The following ARHGAP45 variants were observed in gnomAD, a reference collection of about 807,000 sequenced individuals.
ARHGAP45 encodes the protein rho GTPase-activating protein 45.
Under a neutral mutation model 116.1 loss-of-function variants are expected in ARHGAP45, and 56 were observed. The ratio of observed to expected loss-of-function variants is 0.48; its 90% CI spans 0.39 to 0.60. The LOEUF is 0.60. ARHGAP45 is among the 20% of genes least tolerant of loss of function. The pLI, the probability that ARHGAP45 is intolerant of heterozygous loss-of-function variation, is 0.00. For synonymous variants in ARHGAP45, 866 were observed against 701.7 expected (o/e 1.23, Z -3.70); for missense variants, 1,622 against 1,601.0 (o/e 1.01, Z -0.22).
rs1568464614 is a variant in ARHGAP45, at chr19:1,076,481, G to GTTTTTTTTTTTTT, written c.1186-1375_1186-1374insTTTTTTTTTTTTT. On this transcript the variant is annotated intron_variant, in intron 10 of 22. Coordinates refer to ENST00000313093, the MANE Select transcript of ARHGAP45 (RefSeq NM_012292.5). ...TAGAAACCTGTGATTGTTGGCAGTA[G>GTTTTTTTTTTTTT]TCTTTTTTTTTTTTTTTTTTTTTTT... 5.8e-4 allele frequency among the ~76,000 whole-genome samples: 60 copies of GTTTTTTTTTTTTT among 104,162 alleles called. 4 individuals are homozygous for GTTTTTTTTTTTTT. The highest frequency in any genetic ancestry group is 2.2e-3 in the African/African-American group (56 of 25,336). The allele number at this position is 104,162 out of a possible 152,430, so 68.3% of individuals were successfully genotyped here. A position where few individuals can be genotyped will look rare whatever the true frequency, so the allele number is the denominator to read the frequency against.
Position 1,081,672 on chromosome 19 carries a change from C to G in ARHGAP45, c.2313C>G (p.Pro771=), listed in dbSNP as rs760630936. ...TCAGCCACGCGGCCCGCAGCGCCCC[C>G]GACGGCGTGCCCTTCATCGTCAAGA... ...QDFSHAARSA[P]DGVPFIVKKC... The change falls in exon 18 of 23, where the codon CCC becomes CCG. Residue 771 remains proline, a synonymous_variant. Coordinates refer to ENST00000313093, the MANE Select transcript of ARHGAP45 (RefSeq NM_012292.5). 12 of 1,585,002 alleles carry G rather than the reference C, an allele frequency of 7.6e-6. No homozygotes were observed. Among genetic ancestry groups the G allele is most frequent in the South Asian group, 6.8e-5 (6 of 87,684 alleles).
In ARHGAP45 at chr19:1,071,375, C is replaced by G; in HGVS notation, c.422-1774C>G. ...GCCCCCGAGGTGAGGGGACAGGTGC[C>G]GGGCGCTGGGTCCCGCCGCGTCCGG... is the stretch of plus-strand genomic sequence containing the variant. On this transcript the variant is annotated intron_variant, in intron 2 of 22. Coordinates refer to ENST00000313093, the MANE Select transcript of ARHGAP45 (RefSeq NM_012292.5). The surrounding 1 kb of genome is among the most constrained non-coding windows in gnomAD (Gnocchi z 4.6). The G allele has an allele frequency of 7.8e-7, 1 of 1,284,088 alleles. No homozygotes were observed. Among genetic ancestry groups the G allele is most frequent in the Non-Finnish European group, 9.9e-7 (1 of 1,015,000 alleles). The allele number at this position is 1,284,088 out of a possible 1,614,324, so 79.5% of individuals were successfully genotyped here. A position where few individuals can be genotyped will look rare whatever the true frequency, so the allele number is the denominator to read the frequency against.
In ARHGAP45 at chr19:1,074,364, T is replaced by C. The variant is rs2043197648; in HGVS notation, c.950T>C (p.Leu317Pro). Residue 317 changes from leucine (L) to proline (P), a missense_variant, in exon 8 of 23, where the codon CTG becomes CCG. Coordinates refer to ENST00000313093, the MANE Select transcript of ARHGAP45 (RefSeq NM_012292.5). ...GCAGAGATGGAGTTTGCCAAGGGCC[T>C]GCAGAAGATCGCTCACAACTGCAGA... ...TTLEMEFAKGLQKIAHNCRQS... is the reference protein window; with the variant it reads ...TTLEMEFAKGPQKIAHNCRQS... 1 of 1,605,786 alleles carries C rather than the reference T, an allele frequency of 6.2e-7. No homozygotes were observed. Among genetic ancestry groups the C allele is most frequent in the Non-Finnish European group, 8.5e-7 (1 of 1,176,294 alleles).
At chr19:1,082,766 G>A (rs2043477869) in intron 19 of ARHGAP45, 74 bp from the exon 20 acceptor site, 2 of 1,299,410 alleles carry the variant, frequency 1.5e-6, no homozygotes. Flanking sequence ...TGGGGCTGAG[G>A]CTGGGGGCGT....
chr19:1,068,300 C>G lies in ARHGAP45; in HGVS notation c.91-114C>G, dbSNP rs1038189954. 3 of 943,920 alleles carry G rather than the reference C, an allele frequency of 3.2e-6. No homozygotes were observed. The African/African-American group carries it at 5.1e-5, about 16-fold the overall frequency. The allele number at this position is 943,920 out of a possible 1,614,324, so 58.5% of individuals were successfully genotyped here. A position where few individuals can be genotyped will look rare whatever the true frequency, so the allele number is the denominator to read the frequency against. On this transcript the variant is annotated intron_variant, in intron 1 of 22. Coordinates refer to ENST00000313093, the MANE Select transcript of ARHGAP45 (RefSeq NM_012292.5). This position sits in a 1 kb window ranked among gnomAD's most constrained non-coding sequence, Gnocchi z 7.5. The stretch of plus-strand genomic sequence containing the variant: ...CCCTGTGACCTCTGGCCTTTGACCC[C>G]TGTGGGGTCAGGGTGATGGTGGCCC...
At chr19:1,078,127 T>G (rs2043312033) in intron 11 of ARHGAP45, 82 bp downstream of exon 11, 1 of 1,442,476 alleles carries the variant, frequency 6.9e-7, no homozygotes, top group Non-Finnish European at 9.1e-7. Flanking sequence ...CCTCCAGACC[T>G]TTGTTTTTGT....
chr19:1,075,012 C>T (rs867172960), intron 10 of ARHGAP45, 133 bp downstream of exon 10: 2 of 663,006 alleles, frequency 3.0e-6, no homozygotes, highest in Non-Finnish European at 4.1e-6. Context: ...CATGCGCGGC[C>T]TCGCAGGCTG....
chr19:1,082,031 G>C, intron 19 of ARHGAP45, 70 bp downstream of exon 19: 1 of 1,546,212 alleles, frequency 6.5e-7, no homozygotes, highest in Non-Finnish European at 8.7e-7. Context: ...GGCGGGGTGG[G>C]GGTCCGGGAG....
intron 19 of ARHGAP45, 61 bp from the exon 20 acceptor site, chr19:1,082,779 C>A: frequency 7.3e-7 from 1 of 1,365,052 alleles, no homozygotes; most frequent in Non-Finnish European, 9.7e-7. Context: ...GGGGGCGTGG[C>A]AGGCACACGT....
In ARHGAP45 at chr19:1,080,805, G is replaced by C; in HGVS notation, c.2017+19G>C. On this transcript the variant is annotated intron_variant, in intron 16 of 22. Coordinates refer to ENST00000313093, the MANE Select transcript of ARHGAP45 (RefSeq NM_012292.5). ...GAGCAGGGTGAGGGTCCCCTGACGG[G>C]GCTGGAGAGAGAGGGGGGTTTGGAC... The C allele has an allele frequency of 1.9e-6, 3 of 1,612,586 alleles. No homozygotes were observed. Among genetic ancestry groups the C allele is most frequent in the Non-Finnish European group, 2.5e-6 (3 of 1,179,562 alleles).
At position 1,069,745 on chromosome 19, in the gene ARHGAP45, G is replaced by C. The variant is rs1162133842; in HGVS notation, c.421+1001G>C. Among the ~76,000 whole-genome samples the C allele has an allele frequency of 6.6e-6, 1 of 151,990 alleles. No homozygotes were observed. Among genetic ancestry groups the C allele is most frequent in the African/African-American group, 2.4e-5 (1 of 41,376 alleles). On this transcript the variant is annotated intron_variant, in intron 2 of 22. Coordinates refer to ENST00000313093, the MANE Select transcript of ARHGAP45 (RefSeq NM_012292.5). The surrounding 1 kb of genome is among the most constrained non-coding windows in gnomAD (Gnocchi z 4.1). ...TTCCGATCCTGGCGCTTCCTTGGAG[G>C]CCTGGCCTGGGCGGGGCTCAGCTCC...
At chr19:1,077,006 G>C in intron 10 of ARHGAP45, 3 of 985,012 alleles carry the variant, frequency 3.0e-6, no homozygotes, top group Non-Finnish European at 3.6e-6. Flanking sequence ...TGGGAGTACA[G>C]GTGTGACCCA....
rs745585229 is a variant in ARHGAP45 at position 1,068,600 on chromosome 19, A to G, written c.277A>G (p.Ser93Gly). 1.9e-6 allele frequency: 3 copies of G among 1,611,134 alleles called. No individual in the cohort carries two copies. Among genetic ancestry groups the G allele is most frequent in the South Asian group, 1.1e-5 (1 of 90,980 alleles). ...CTGGACACTGGGCCGGAGCCACCGG[A>G]GCCCACTGACAGCCGCCAGCCCGGG... ...ASWTLGRSHR[S>G]PLTAASPGEL... The change falls in exon 2 of 23, where the codon AGC becomes GGC. Residue 93 changes from serine to glycine, a missense_variant. Ser to Gly is a moderately conservative substitution (Grantham distance 56, BLOSUM62 0). Around this residue, in one of 3 missense-constraint regions of ARHGAP45, gnomAD observed 279 missense variants for 311.9 expected, o/e 0.89. Transcript: ENST00000313093. This position sits in a 1 kb window ranked among gnomAD's most constrained non-coding sequence, Gnocchi z 7.5.
intron 15 of ARHGAP45, 44 bp from the exon 16 acceptor site, chr19:1,080,637 GC>G (rs1192956394): frequency 4.4e-6 from 7 of 1,601,204 alleles, no homozygotes; most frequent in Non-Finnish European, 5.1e-6. Flanking sequence ...GATGGAGGGG[GC>G]CCCCCTGGCT....
intron 10 of ARHGAP45, among the ~76,000 whole-genome samples, chr19:1,075,620 T>G (rs894844462): frequency 6.6e-6 from 1 of 151,856 alleles, no homozygotes; most frequent in African/African-American, 2.4e-5. Context: ...TGTTTGTTTC[T>G]TTGCTTGTTT....
chr19:1,067,320 A>G lies in ARHGAP45; in HGVS notation c.-86A>G. 4.2e-6 allele frequency: 6 copies of G among 1,435,804 alleles called. No individual in the cohort carries two copies. Among genetic ancestry groups the G allele is most frequent in the Non-Finnish European group, 4.6e-6 (5 of 1,096,070 alleles). The allele number at this position is 1,435,804 out of a possible 1,614,324, so 88.9% of individuals were successfully genotyped here. A position where few individuals can be genotyped will look rare whatever the true frequency, so the allele number is the denominator to read the frequency against. On this transcript the variant is annotated 5_prime_UTR_variant, in exon 1 of 23. Transcript: ENST00000313093. The stretch of plus-strand genomic sequence containing the variant: ...AGCTGGGGAGGGGGTGGCCGGCGAC[A>G]ATGTGGTCCCGAAGCGGCCAGCGCC...
At chr19:1,070,731 G>A (rs1377960090) in intron 2 of ARHGAP45, among the ~76,000 whole-genome samples, 1 of 151,752 alleles carries the variant, frequency 6.6e-6, no homozygotes, top group Non-Finnish European at 1.5e-5. Context: ...CCGTTCTCCC[G>A]GCTCCGCCTC....
rs779248180 is a variant in ARHGAP45 at position 1,073,195 on chromosome 19, G to C, written c.468G>C (p.Glu156Asp). ...RRPRAHECLG[E>D]ALRVMHQIIS... ...CGCGGGCCCACGAGTGCCTGGGTGAGGCTCTGCGTGTCATGCATCAGATCA... is the reference window on the plus strand; with the variant it reads ...CGCGGGCCCACGAGTGCCTGGGTGACGCTCTGCGTGTCATGCATCAGATCA... The change falls in exon 3 of 23, where the codon GAG becomes GAC. Residue 156 changes from glutamate (E) to aspartate (D), a missense_variant. Coordinates refer to ENST00000313093, the MANE Select transcript of ARHGAP45 (RefSeq NM_012292.5). 4 of 1,612,416 alleles carry C rather than the reference G, an allele frequency of 2.5e-6. No individual in the cohort carries two copies. Among genetic ancestry groups the C allele is most frequent in the Non-Finnish European group, 3.4e-6 (4 of 1,180,014 alleles).
At position 1,080,686 on chromosome 19, in the gene ARHGAP45, C is replaced by G; in HGVS notation, c.1917C>G (p.Asp639Glu). 1 of 1,613,354 alleles carries G rather than the reference C, an allele frequency of 6.2e-7. No homozygotes were observed. Among genetic ancestry groups the G allele is most frequent in the Non-Finnish European group, 8.5e-7 (1 of 1,179,860 alleles). ...ACAGTCCTGATTCCCGCCCAGGGGA[C>G]TTTAAGAAGTTCGAGCGGACGTCAT... ...SGLDPGPGAGDFKKFERTSSS... is the reference protein window; with the variant it reads ...SGLDPGPGAGEFKKFERTSSS... The change falls in exon 16 of 23, where the codon GAC (aspartate) becomes GAG (glutamate). Residue 639 changes from aspartate (D) to glutamate (E), a missense_variant. Coordinates refer to ENST00000313093, the MANE Select transcript of ARHGAP45 (RefSeq NM_012292.5).
Sources: gnomAD v4.1 joint callset for allele counts (sites outside exome capture counted in the v4.1 genomes callset) on GRCh38, gnomAD v4.1.1 for gene constraint, gnomAD v4.1.1 regional missense constraint, Gnocchi (gnomAD v3.1) non-coding constraint, MANE v1.5 for transcripts, NCBI Gene and HGNC (gene_info 2026-07-23, HGNC 2026-07-21) for gene names.